CACNG2: variants seen among roughly 807,000 people sequenced by gnomAD.
The protein encoded by CACNG2 is calcium voltage-gated channel auxiliary subunit gamma 2.
CACNG2 carries 3 observed loss-of-function variants against 25.9 expected under a neutral mutation model. That is an observed-to-expected ratio of 0.12 (90% CI 0.05 to 0.30). CACNG2 has a LOEUF of 0.30. CACNG2 is among the 10% of genes least tolerant of loss of function. CACNG2 has a pLI of 1.00. For synonymous variants in CACNG2, 167 were observed against 173.3 expected (o/e 0.96, Z 0.29); for missense variants, 341 against 432.5 (o/e 0.79, Z 1.88).
At position 36,606,856 on chromosome 22, in the gene CACNG2, T is replaced by A. The variant is rs1264765168; in HGVS notation, c.212-19308A>T. Among the ~76,000 whole-genome samples, 1 of 151,136 alleles carries A rather than the reference T, an allele frequency of 6.6e-6. No individual in the cohort carries two copies. The highest frequency in any genetic ancestry group is 1.9e-4 in the East Asian group (1 of 5,174). On this transcript the variant is annotated intron_variant, in intron 1 of 3. Coordinates refer to ENST00000300105, the MANE Select transcript of CACNG2 (RefSeq NM_006078.5). This position sits in a 1 kb window ranked among gnomAD's most constrained non-coding sequence, Gnocchi z 5.7. ...GGGTCTCTGTGTGTGTGTATGTATG[T>A]GTACGTGTGTATGTCTGTGTGTGAG...
intron 1 of CACNG2, among the ~76,000 whole-genome samples, chr22:36,609,795 G>A (rs1935906730): frequency 6.6e-6 from 1 of 151,150 alleles, no homozygotes; most frequent in South Asian, 2.1e-4. Context: ...ATGTGATCAG[G>A]CAGGAATCAG....
intron 1 of CACNG2, among the ~76,000 whole-genome samples, chr22:36,691,829 T>A (rs999283836): frequency 2.0e-5 from 3 of 152,302 alleles, no homozygotes; most frequent in Admixed American, 2.0e-4. Context: ...ATTATTATTA[T>A]TGTTACTATT....
intron 1 of CACNG2, among the ~76,000 whole-genome samples, chr22:36,675,770 T>C (rs1937012163): frequency 6.6e-6 from 1 of 152,224 alleles, no homozygotes; most frequent in Admixed American, 6.5e-5. Context: ...CTTCTCACTT[T>C]CTGTAGGGAG....
intron 1 of CACNG2, among the ~76,000 whole-genome samples, chr22:36,699,275 A>ACACACACACACAGACTTTT (rs1555902360): frequency 1.4e-5 from 2 of 147,660 alleles, no homozygotes; most frequent in African/African-American, 4.9e-5. Context: ...ACACACACAC[A>ACACACACACACAGACTTTT]CAGACTTTTC....
intron 1 of CACNG2, among the ~76,000 whole-genome samples, chr22:36,638,478 C>T (rs1936393347): frequency 6.6e-6 from 1 of 152,184 alleles, no homozygotes; most frequent in Admixed American, 6.5e-5. Context: ...AGGCTCTAAG[C>T]TCTTAGTCTT....
chr22:36,629,376 A>G (rs1936233092), intron 1 of CACNG2, among the ~76,000 whole-genome samples: 2 of 152,126 alleles, frequency 1.3e-5, no homozygotes, highest in African/African-American at 4.8e-5. Flanking sequence ...ATGTAGCCCC[A>G]TCCCCAGGGA....
In CACNG2 at chr22:36,564,838, C is replaced by T; in HGVS notation, c.485G>A (p.Gly162Glu). The T allele has an allele frequency of 6.2e-7, 1 of 1,614,112 alleles. No individual in the cohort carries two copies. The highest frequency in any genetic ancestry group is 8.5e-7 in the Non-Finnish European group (1 of 1,180,034). Reference protein sequence around the residue: ...GIIVYISANAGDPSKSDSKKN... With the variant: ...GIIVYISANAEDPSKSDSKKN... ...TTTGGAGTCGCTCTTGGAGGGGTCT[C>T]CGGCATTGGCAGATATGTACACTAT... Residue 162 changes from glycine to glutamate, a missense_variant, in exon 4 of 4, where the codon GGA becomes GAA. Gly to Glu is a moderately conservative substitution (Grantham distance 98). Coordinates refer to ENST00000300105, the MANE Select transcript of CACNG2 (RefSeq NM_006078.5). The surrounding 1 kb of genome is among the most constrained non-coding windows in gnomAD (Gnocchi z 6.7).
chr22:36,575,764 C>T (rs1377016156), intron 2 of CACNG2, among the ~76,000 whole-genome samples: 9 of 152,220 alleles, frequency 5.9e-5, no homozygotes, highest in African/African-American at 2.2e-4. Flanking sequence ...TTACCTGTTC[C>T]CTGTGCGAGT....
intron 2 of CACNG2, among the ~76,000 whole-genome samples, chr22:36,587,065 G>T (rs1009755868): frequency 1.8e-4 from 28 of 151,906 alleles, no homozygotes; most frequent in African/African-American, 6.3e-4. Flanking sequence ...CAAGCACTGG[G>T]CTGAGAATAT....
At chr22:36,691,546 T>C (rs572091966) in intron 1 of CACNG2, among the ~76,000 whole-genome samples, 2 of 152,276 alleles carry the variant, frequency 1.3e-5, no homozygotes, top group Admixed American at 1.3e-4. Flanking sequence ...AGTTTATTTA[T>C]AGACTTGGGA....
At chr22:36,573,612 G>A (rs183469922) in intron 2 of CACNG2, among the ~76,000 whole-genome samples, 78 of 152,334 alleles carry the variant, frequency 5.1e-4, no homozygotes, top group Admixed American at 2.2e-3. Context: ...GAGTGCAGGC[G>A]TGAGCCACCA....
At chr22:36,691,439 C>G (rs1221934159) in intron 1 of CACNG2, among the ~76,000 whole-genome samples, 1 of 152,196 alleles carries the variant, frequency 6.6e-6, no homozygotes, top group Non-Finnish European at 1.5e-5. Flanking sequence ...ACTATTCCCC[C>G]ACCCTGCCCT....
At chr22:36,696,757 T>G (rs1937347616) in intron 1 of CACNG2, among the ~76,000 whole-genome samples, 1 of 152,168 alleles carries the variant, frequency 6.6e-6, no homozygotes, top group Non-Finnish European at 1.5e-5. Flanking sequence ...GGTTGTTGAT[T>G]GCAATTTCAA....
intron 1 of CACNG2, among the ~76,000 whole-genome samples, chr22:36,620,114 G>C (rs557957853): frequency 1.3e-5 from 2 of 152,322 alleles, no homozygotes; most frequent in Admixed American, 1.3e-4. Context: ...ACAGTGCCTG[G>C]ACTGCTGAGT....
chr22:36,586,619 G>A (rs563395799), intron 2 of CACNG2, among the ~76,000 whole-genome samples: 1 of 152,268 alleles, frequency 6.6e-6, no homozygotes, highest in African/African-American at 2.4e-5. Flanking sequence ...TGATCTGAGG[G>A]CAATGGCAGT....
rs1408917347 is a variant in CACNG2, at chr22:36,668,470, C to T, written c.211+33896G>A. On this transcript the variant is annotated intron_variant, in intron 1 of 3. Transcript: ENST00000300105. ...TGGTGCGATTTGGTCTGAGACCAAA[C>T]GCCTGAGAACGAGGGGAGTGAATTT... Among the ~76,000 whole-genome samples the T allele has an allele frequency of 5.3e-5, 8 of 151,016 alleles. No individual in the cohort carries two copies. In the South Asian group the frequency reaches 1.3e-3, roughly 24 times the overall value.
chr22:36,652,181 T>C (rs1936628543), intron 1 of CACNG2, among the ~76,000 whole-genome samples: 1 of 152,020 alleles, frequency 6.6e-6, no homozygotes, highest in African/African-American at 2.4e-5. Flanking sequence ...CTTAAATAGA[T>C]GTTGAACCTG....
chr22:36,569,310 C>T (rs563026921), intron 2 of CACNG2, among the ~76,000 whole-genome samples: 2 of 152,254 alleles, frequency 1.3e-5, no homozygotes, highest in African/African-American at 4.8e-5. Flanking sequence ...ACTCCCCTGC[C>T]ACCCAGCTAG....
intron 1 of CACNG2, among the ~76,000 whole-genome samples, chr22:36,651,621 T>A (rs1259441420): frequency 2.0e-5 from 3 of 152,184 alleles, no homozygotes; most frequent in Non-Finnish European, 4.4e-5. Flanking sequence ...ATGCTATATA[T>A]TTTACTTTTT....
Sources: allele counts gnomAD v4.1 joint callset (sites outside exome capture counted in the v4.1 genomes callset), GRCh38; gene constraint gnomAD v4.1.1; non-coding constraint Gnocchi (gnomAD v3.1); transcripts MANE v1.5; gene names NCBI Gene and HGNC (gene_info 2026-07-23, HGNC 2026-07-21).